Variants in CA12 observed in about 807,000 individuals in gnomAD.
The protein encoded by CA12 is carbonate dehydratase XII.
CA12 carries 36 observed loss-of-function variants against 46.8 expected under a neutral mutation model. That is an observed-to-expected ratio of 0.77 (90% confidence interval 0.59 to 1.02). CA12 has a LOEUF of 1.02. Ranked by LOEUF, CA12 falls within the 50% of genes least tolerant of loss-of-function variation. CA12 has a pLI of 0.00. For missense variants in CA12, 436 were observed against 451.4 expected (o/e 0.97, Z 0.31); for synonymous variants, 202 against 187.0 (o/e 1.08, Z -0.65).
rs1567040656 is a variant in CA12, at chr15:63,329,926, C to A, written c.875-1796G>T. On this transcript the variant is annotated intron_variant, in intron 8 of 10. Transcript: ENST00000178638. The surrounding 1 kb of genome is among the most constrained non-coding windows in gnomAD (Gnocchi z 4.8). ...TCTTTTTCTGCAATCTCACATTGAA[C>A]CTGCAGAGCCTCCCTGGTCCAAGGC... 6.6e-6 allele frequency among the ~76,000 whole-genome samples: 1 copy of A among 152,232 alleles called. No homozygotes were observed. The highest frequency in any genetic ancestry group is 2.4e-5 in the African/African-American group (1 of 41,460).
At position 63,339,146 on chromosome 15, in the gene CA12, G is replaced by A. The variant is rs375532334; in HGVS notation, c.748-201C>T. Among the ~76,000 whole-genome samples, 5 of 152,228 alleles carry A rather than the reference G, an allele frequency of 3.3e-5. No homozygotes were observed. The highest frequency in any genetic ancestry group is 4.8e-5 in the African/African-American group (2 of 41,530). Reference sequence around the variant, plus strand: ...AGTGGGTGAGTGGGAGCTGGGCAGCGCTGGGTTTATCTTCCCAGCACCCGA... The same window carrying A: ...AGTGGGTGAGTGGGAGCTGGGCAGCACTGGGTTTATCTTCCCAGCACCCGA... On this transcript the variant is annotated intron_variant, in intron 7 of 10. Coordinates refer to ENST00000178638, the MANE Select transcript of CA12 (RefSeq NM_001218.5). The surrounding 1 kb of genome is among the most constrained non-coding windows in gnomAD (Gnocchi z 4.3).
intron 2 of CA12, chr15:63,375,428 C>G (rs998339140): frequency 7.5e-5 from 37 of 496,382 alleles, no homozygotes; most frequent in South Asian, 4.2e-4. Flanking sequence ...GACACTATGA[C>G]TCACAGTCCT....
rs2039128675 is a variant in CA12, at chr15:63,345,108, G to A, written c.429+369C>T. ...ATATGAAGAAAGGCTGAGAAGTTTGGGGGAGCAGTGAGCCCAGTGTGAGTC... is the reference window on the plus strand; with the variant it reads ...ATATGAAGAAAGGCTGAGAAGTTTGAGGGAGCAGTGAGCCCAGTGTGAGTC... On this transcript the variant is annotated intron_variant, in intron 4 of 10. Coordinates refer to ENST00000178638, the MANE Select transcript of CA12 (RefSeq NM_001218.5). The surrounding 1 kb of genome is among the most constrained non-coding windows in gnomAD (Gnocchi z 4.3). Among the ~76,000 whole-genome samples the A allele has an allele frequency of 2.0e-5, 3 of 152,202 alleles. No homozygotes were observed. Among genetic ancestry groups the A allele is most frequent in the South Asian group, 2.1e-4 (1 of 4,832 alleles).
chr15:63,341,748 C>T lies in CA12; in HGVS notation c.525+254G>A, dbSNP rs1048075391. Among the ~76,000 whole-genome samples, 1 of 152,222 alleles carries T rather than the reference C, an allele frequency of 6.6e-6. No homozygotes were observed. Among genetic ancestry groups the T allele is most frequent in the Non-Finnish European group, 1.5e-5 (1 of 68,034 alleles). On this transcript the variant is annotated intron_variant, in intron 5 of 10. Transcript: ENST00000178638. The surrounding 1 kb of genome is among the most constrained non-coding windows in gnomAD (Gnocchi z 5.2). ...CTGGGCAATTCCATGCCTTATGCAA[C>T]AGGGCTAGATGTTGGGGCCCGTTTT...
rs180859186 is a variant in CA12 at position 63,356,362 on chromosome 15, C to T, written c.107-9653G>A. On this transcript the variant is annotated intron_variant, in intron 2 of 10. Coordinates refer to ENST00000178638, the MANE Select transcript of CA12 (RefSeq NM_001218.5). Reference sequence around the variant, plus strand: ...AAGCTGAGACTGCGCCACTGCACTCCGGCCTGGGTGACAGAGCATCTCAAA... The same window carrying T: ...AAGCTGAGACTGCGCCACTGCACTCTGGCCTGGGTGACAGAGCATCTCAAA... 5.7e-4 allele frequency among the ~76,000 whole-genome samples: 87 copies of T among 152,250 alleles called. 1 individual carries two copies. Among genetic ancestry groups the T allele is most frequent in the Admixed American group, 2.1e-3 (32 of 15,284 alleles).
intron 8 of CA12, among the ~76,000 whole-genome samples, chr15:63,337,477 G>A (rs1011117980): frequency 1.3e-5 from 2 of 152,110 alleles, no homozygotes; most frequent in African/African-American, 4.8e-5. Context: ...TTTTTTTTGA[G>A]ACGGAGTCTC....
intron 2 of CA12, among the ~76,000 whole-genome samples, chr15:63,356,130 C>G (rs980332493): frequency 2.0e-5 from 3 of 152,152 alleles, no homozygotes. Context: ...CGGTGGCTCA[C>G]GCCTGTAATC....
At chr15:63,336,214 C>T (rs2039001303) in intron 8 of CA12, among the ~76,000 whole-genome samples, 1 of 152,160 alleles carries the variant, frequency 6.6e-6, no homozygotes, top group Admixed American at 6.5e-5. Context: ...TGCTTAGAGG[C>T]CCCTCAAGCT....
At chr15:63,344,575 T>C (rs930518163) in intron 4 of CA12, among the ~76,000 whole-genome samples, 2 of 152,176 alleles carry the variant, frequency 1.3e-5, no homozygotes, top group African/African-American at 2.4e-5. Flanking sequence ...TTGAACCAGA[T>C]CCTATCCCTT....
At chr15:63,347,939 G>A (rs1025484360) in intron 2 of CA12, among the ~76,000 whole-genome samples, 2 of 152,190 alleles carry the variant, frequency 1.3e-5, no homozygotes, top group African/African-American at 4.8e-5. Context: ...CCCCTGCACT[G>A]TTTCACAAGG....
chr15:63,334,356 A>G (rs1387799000), intron 8 of CA12, among the ~76,000 whole-genome samples: 2 of 141,648 alleles, frequency 1.4e-5, no homozygotes, highest in Non-Finnish European at 3.0e-5. Flanking sequence ...TCTGGGTTCA[A>G]GTGATTCTCC....
chr15:63,354,365 C>T (rs142198136), intron 2 of CA12, among the ~76,000 whole-genome samples: 1 of 152,284 alleles, frequency 6.6e-6, no homozygotes, highest in East Asian at 1.9e-4. Context: ...TAAAAATAAA[C>T]ACATTTTCTA....
At chr15:63,351,483 G>GT (rs940409323) in intron 2 of CA12, among the ~76,000 whole-genome samples, 11 of 152,114 alleles carry the variant, frequency 7.2e-5, no homozygotes, top group African/African-American at 1.4e-4. Context: ...CAGCCTAGCT[G>GT]TTTTTCATGG....
chr15:63,345,614 G>T lies in CA12; in HGVS notation c.292C>A (p.Leu98Met), dbSNP rs2039137136. Residue 98 changes from leucine to methionine, a missense_variant, in exon 4 of 11, where the codon CTG becomes ATG. By Grantham distance (15) the Leu-to-Met change is conservative. Transcript: ENST00000178638. The surrounding 1 kb of genome is among the most constrained non-coding windows in gnomAD (Gnocchi z 4.3). ...ATGTGCATGTCCGAGGGCAGGTTCAGCTTCACTGCGGGGAGTGGAGGAGCA... is the reference window on the plus strand; with the variant it reads ...ATGTGCATGTCCGAGGGCAGGTTCATCTTCACTGCGGGGAGTGGAGGAGCA... Reference protein sequence around the residue: ...LLTNNGHSVKLNLPSDMHIQG... With the variant: ...LLTNNGHSVKMNLPSDMHIQG... 1.2e-6 allele frequency: 2 copies of T among 1,612,116 alleles called. No homozygotes were observed. Among genetic ancestry groups the T allele is most frequent in the Non-Finnish European group, 8.5e-7 (1 of 1,179,950 alleles).
At chr15:63,369,281 A>C (rs2039471725) in intron 2 of CA12, among the ~76,000 whole-genome samples, 1 of 152,188 alleles carries the variant, frequency 6.6e-6, no homozygotes, top group African/African-American at 2.4e-5. Context: ...TCCTAACAAA[A>C]ATAGAGCTCT....
chr15:63,347,108 G>A (rs2039160624), intron 2 of CA12, among the ~76,000 whole-genome samples: 1 of 152,232 alleles, frequency 6.6e-6, no homozygotes, highest in African/African-American at 2.4e-5. Context: ...TAGAGCCCCT[G>A]CTCATCCAAG....
intron 8 of CA12, among the ~76,000 whole-genome samples, chr15:63,336,397 T>G (rs1310434759): frequency 1.3e-5 from 2 of 152,138 alleles, no homozygotes. Flanking sequence ...AGAGTCAAGC[T>G]CCTGCCCGGT....
Position 63,346,601 on chromosome 15 carries a change from G to T in CA12, c.215C>A (p.Thr72Lys), listed in dbSNP as rs144831502. Reference sequence around the variant, plus strand: ...ATTGTAGCCTTGGAACTCGAGGGGCGTGAGGCTGGCGTCATACTGGAGGAT... The same window carrying T: ...ATTGTAGCCTTGGAACTCGAGGGGCTTGAGGCTGGCGTCATACTGGAGGAT... ...SDILQYDASL[T>K]PLEFQGYNLS... The change falls in exon 3 of 11, where the codon ACG becomes AAG. Residue 72 changes from threonine to lysine, a missense_variant. Thr to Lys is a moderately conservative substitution (Grantham distance 78). Transcript: ENST00000178638. 1 of 1,614,078 alleles carries T rather than the reference G, an allele frequency of 6.2e-7. No individual in the cohort carries two copies. Among genetic ancestry groups the T allele is most frequent in the East Asian group, 2.2e-5 (1 of 44,872 alleles).
intron 2 of CA12, among the ~76,000 whole-genome samples, chr15:63,356,111 G>A (rs1019836537): frequency 6.6e-6 from 1 of 152,032 alleles, no homozygotes. Flanking sequence ...AAAAATTGTC[G>A]GCCGGGCACG....
Sources: gnomAD v4.1 joint callset for allele counts (sites outside exome capture counted in the v4.1 genomes callset) on GRCh38, gnomAD v4.1.1 for gene constraint, Gnocchi (gnomAD v3.1) non-coding constraint, MANE v1.5 for transcripts, NCBI Gene and HGNC (gene_info 2026-07-23, HGNC 2026-07-21) for gene names.